ACTA2: variants seen among roughly 807,000 people sequenced by gnomAD.
ACTA2 encodes the protein actin alpha 2, smooth muscle.
In ACTA2, 12 loss-of-function variants were observed where a neutral mutation model predicts 39.5. The observed-to-expected ratio is 0.30, with a 90% CI of 0.19 to 0.49. The LOEUF (loss-of-function observed/expected upper bound fraction) is 0.49, where lower values mean the gene tolerates loss of function less well. Among genes scored for constraint, ACTA2 ranks in the 20% least tolerant of loss-of-function variants. The pLI is 0.99. For synonymous variants in ACTA2, 158 were observed against 180.6 expected, an observed-to-expected ratio of 0.88 and a Z score of 1.00; for missense variants, 236 against 498.8, an observed-to-expected ratio of 0.47 and a Z score of 5.02.
chr10:88,948,531 TTGATGATGA>T, intron 2 of ACTA2: 1 of 420,240 alleles, frequency 2.4e-6, no homozygotes, highest in Non-Finnish European at 4.5e-6. Flanking sequence ...ATGAAATGAT[TTGATGATGA>T]TGATGATGAT....
At chr10:88,978,593 C>T (rs184721789) in intron 1 of ACTA2, among the ~76,000 whole-genome samples, 2 of 152,096 alleles carry the variant, frequency 1.3e-5, no homozygotes, top group Admixed American at 1.3e-4. Flanking sequence ...AAGCCAATCT[C>T]AATGGAAAGA....
Position 88,990,186 on chromosome 10 carries a change from T to C in ACTA2, c.-24+753A>G, listed in dbSNP as rs2234768. On this transcript the variant is annotated intron_variant, in intron 1 of 4. Coordinates refer to the ACTA2 transcript ENST00000415557. The surrounding 1 kb of genome is among the most constrained non-coding windows in gnomAD (Gnocchi z 4.9). ...GGCGCAACATCTGTACTTTTTCATA[T>C]GGTTAACTGTCCATTCCAGAAACGT... is the stretch of plus-strand genomic sequence containing the variant. 0.088 allele frequency among the ~76,000 whole-genome samples: 13,377 copies of C among 152,298 alleles called. 765 individuals are homozygous for C. The highest frequency in any genetic ancestry group is 0.12 in the Non-Finnish European group (8,316 of 68,008).
intron 1 of ACTA2, among the ~76,000 whole-genome samples, chr10:88,951,327 A>G (rs1589402150): frequency 6.6e-6 from 1 of 152,238 alleles, no homozygotes; most frequent in South Asian, 2.1e-4. Context: ...AAACATTTCA[A>G]ATTAGGATGG....
intron 1 of ACTA2, chr10:88,973,521 G>A (rs1324708557): frequency 6.2e-6 from 3 of 483,686 alleles, no homozygotes; most frequent in Non-Finnish European, 9.9e-6. Context: ...CAGGTACCCT[G>A]TCACCTTGGC....
rs1845851683 is a variant in ACTA2, at chr10:88,941,512, C to T, written c.455-122G>A. 20 of 1,304,242 alleles carry T rather than the reference C, an allele frequency of 1.5e-5. No homozygotes were observed. In the South Asian group the frequency reaches 2.3e-4, roughly 15 times the overall value. 80.8% of individuals were successfully genotyped at this position (1,304,242 alleles called of 1,614,324 possible). Reference sequence around the variant, plus strand: ...GAGCCTCTTATTTAAAAAGAGAAAACAGGGCATGTGATAGGAGAGGTGAGG... The same window carrying T: ...GAGCCTCTTATTTAAAAAGAGAAAATAGGGCATGTGATAGGAGAGGTGAGG... On this transcript the variant is annotated intron_variant, in intron 5 of 8. Coordinates refer to ENST00000224784, the MANE Select transcript of ACTA2 (RefSeq NM_001613.4).
intron 1 of ACTA2, among the ~76,000 whole-genome samples, chr10:88,961,046 C>T (rs1846219121): frequency 6.6e-6 from 1 of 152,150 alleles, no homozygotes; most frequent in Non-Finnish European, 1.5e-5. Flanking sequence ...CACCCAGGAG[C>T]AGCTCTGAGT....
At chr10:88,968,534 CAT>C (rs570873037) in intron 1 of ACTA2, among the ~76,000 whole-genome samples, 573 of 152,260 alleles carry the variant, frequency 3.8e-3, no homozygotes, top group African/African-American at 0.013. Context: ...ATTTTGCACA[CAT>C]GTTTGTCGGT....
At chr10:88,939,987 A>C (rs1254488336) in intron 6 of ACTA2, 5 of 453,740 alleles carry the variant, frequency 1.1e-5, no homozygotes, top group Non-Finnish European at 2.0e-5. Flanking sequence ...ACAGTAGCGG[A>C]TCCTTTTGTA....
chr10:88,965,628 C>G (rs1208047376), intron 1 of ACTA2, among the ~76,000 whole-genome samples: 3 of 150,936 alleles, frequency 2.0e-5, no homozygotes, highest in Non-Finnish European at 4.4e-5. Context: ...CTCGGGCAAA[C>G]AGGTTGAACC....
intron 1 of ACTA2, among the ~76,000 whole-genome samples, chr10:88,977,129 T>C (rs952289645): frequency 2.0e-4 from 30 of 152,254 alleles, no homozygotes; most frequent in African/African-American, 7.0e-4. Flanking sequence ...TTCACTCTGA[T>C]GGTAGTTTCT....
chr10:88,939,389 G>T, intron 7 of ACTA2, 118 bp downstream of exon 7: 1 of 1,363,626 alleles, frequency 7.3e-7, no homozygotes, highest in Non-Finnish European at 1.0e-6. Context: ...CCTTTTTCTG[G>T]TTTAGAAATG....
rs532242060 is a variant in ACTA2 at position 88,941,758 on chromosome 10, A to G, written c.454+27T>C. The G allele has an allele frequency of 1.4e-5, 22 of 1,598,706 alleles. No individual in the cohort carries two copies. The South Asian group carries it at 2.1e-4, about 15-fold the overall frequency. ...CCATCTCTGGCAGTGCGCTCCAACC[A>G]GCTTGCTGTCCCGCCCAGCCACCTA... On this transcript the variant is annotated intron_variant, in intron 5 of 8. Coordinates refer to ENST00000224784, the MANE Select transcript of ACTA2 (RefSeq NM_001613.4).
chr10:88,971,758 C>T (rs1846452520), intron 1 of ACTA2, among the ~76,000 whole-genome samples: 1 of 152,014 alleles, frequency 6.6e-6, no homozygotes, highest in Admixed American at 6.6e-5. Context: ...CTCTTTTTGT[C>T]CTTCCTGCAT....
At chr10:88,963,766 G>C (rs1444793951) in intron 1 of ACTA2, among the ~76,000 whole-genome samples, 2 of 152,148 alleles carry the variant, frequency 1.3e-5, no homozygotes, top group East Asian at 3.9e-4. Context: ...AGTAGGTTCT[G>C]GAGTAATCAA....
intron 1 of ACTA2, among the ~76,000 whole-genome samples, chr10:88,960,503 G>A (rs1846208434): frequency 6.6e-6 from 1 of 152,098 alleles, no homozygotes. Context: ...CATATTGGAG[G>A]AGAAAAAAGC....
chr10:88,973,116 T>C lies in ACTA2; in HGVS notation c.-24+17823A>G. 7 of 1,488,486 alleles carry C rather than the reference T, an allele frequency of 4.7e-6. No homozygotes were observed. The South Asian group carries it at 9.7e-5, about 21-fold the overall frequency. 92.2% of individuals were successfully genotyped at this position (1,488,486 alleles called of 1,614,324 possible). On this transcript the variant is annotated intron_variant, in intron 1 of 4. Coordinates refer to the ACTA2 transcript ENST00000415557. ...TTAACTTCTATGTTTTATTTTTCTA[T>C]TTTAATTTTTCCTGGGCCTTGCCTC...
At chr10:88,940,401 A>C (rs2147416) in intron 6 of ACTA2, 8,927 of 156,050 alleles carry the variant, frequency 0.057, 519 homozygotes, top group African/African-American at 0.15. Context: ...TGTAGGGAGC[A>C]GAGGAGGAAT....
chr10:88,985,960 T>C (rs2133362857), intron 1 of ACTA2, among the ~76,000 whole-genome samples: 1 of 152,378 alleles, frequency 6.6e-6, no homozygotes, highest in Middle Eastern at 3.4e-3. Context: ...GTGGCATATT[T>C]ATTTTTATGG....
At chr10:88,987,270 C>T (rs1846928486) in intron 1 of ACTA2, among the ~76,000 whole-genome samples, 1 of 152,184 alleles carries the variant, frequency 6.6e-6, no homozygotes, top group African/African-American at 2.4e-5. Context: ...TAACAATTAA[C>T]TTTTGTAACA....
Sources: gnomAD v4.1 joint callset for allele counts (sites outside exome capture counted in the v4.1 genomes callset) on GRCh38, gnomAD v4.1.1 for gene constraint, Gnocchi (gnomAD v3.1) non-coding constraint, MANE v1.5 for transcripts, NCBI Gene and HGNC (gene_info 2026-07-23, HGNC 2026-07-21) for gene names.